GLOD5: variants seen among roughly 807,000 people sequenced by gnomAD.
The protein encoded by GLOD5 is glyoxalase domain-containing protein 5.
A neutral mutation model predicts 9.9 loss-of-function variants in GLOD5; 7 were observed. The observed-to-expected ratio is 0.71, with a 90% confidence interval of 0.40 to 1.33. The LOEUF is 1.33. GLOD5 is among the 40% of genes most tolerant of loss of function. The pLI, the probability that GLOD5 is intolerant of heterozygous loss-of-function variation, is 0.01. For missense variants in GLOD5, 146 were observed against 128.4 expected (o/e 1.14, Z -0.66); for synonymous variants, 49 against 47.3 (o/e 1.04, Z -0.14).
Position 48,770,969 on chromosome X carries a change from C to T in GLOD5, c.244C>T (p.Leu82Phe). Reference protein sequence around the residue: ...ALCFGDQKFNLHEVGKEFEPK... With the variant: ...ALCFGDQKFNFHEVGKEFEPK... ...GTGTTTTGGAGACCAGAAATTTAAC[C>T]TCCACGAGGTGGGAAAGGAATTTGA... Residue 82 changes from leucine (L) to phenylalanine (F), a missense_variant, in exon 3 of 4, where the codon CTC becomes TTC. By Grantham distance (22) the Leu-to-Phe change is conservative (BLOSUM62 0). Transcript: ENST00000303227. 1 of 1,200,366 alleles carries T rather than the reference C, an allele frequency of 8.3e-7. No homozygotes were observed. The highest frequency in any genetic ancestry group is 1.1e-6 in the Non-Finnish European group (1 of 889,057).
At chrX:48,769,029 CAA>C (rs58245912) in intron 2 of GLOD5, among the ~76,000 whole-genome samples, 8 of 48,388 alleles carry the variant, frequency 1.7e-4, no homozygotes, top group Admixed American at 2.6e-4. Context: ...GACTCTGTCT[CAA>C]AAAAAAAAAA....
At chrX:48,766,115 A>G in intron 2 of GLOD5, 143 bp downstream of exon 2, 1 of 524,768 alleles carries the variant, frequency 1.9e-6, no homozygotes. Flanking sequence ...TCCAAACTGA[A>G]TATTTGGACT....
At chrX:48,769,627 A>C (rs1219943089) in intron 2 of GLOD5, among the ~76,000 whole-genome samples, 3 of 111,893 alleles carry the variant, frequency 2.7e-5, no homozygotes, top group African/African-American at 9.7e-5. Context: ...GTATTGGAAG[A>C]GATAGTAATG....
intron 2 of GLOD5, 132 bp from the exon 3 acceptor site, chrX:48,770,795 C>T: frequency 2.2e-6 from 1 of 449,353 alleles, no homozygotes; most frequent in Non-Finnish European, 3.6e-6. Flanking sequence ...GGGCAAAGGG[C>T]TGTTGTGTAG....
intron 2 of GLOD5, among the ~76,000 whole-genome samples, chrX:48,767,499 C>T (rs782318451): frequency 5.1e-4 from 56 of 110,815 alleles, no homozygotes; most frequent in Non-Finnish European, 9.3e-4. Flanking sequence ...TGGTGGTGCA[C>T]GCCTGTAATC....
chrX:48,763,516 C>CA (rs782578068), intron 1 of GLOD5, among the ~76,000 whole-genome samples: 257 of 105,223 alleles, frequency 2.4e-3, no homozygotes, highest in African/African-American at 7.7e-3. Context: ...CTCACCTCTA[C>CA]AAAAAAAAAG....
intron 2 of GLOD5, among the ~76,000 whole-genome samples, chrX:48,770,615 G>A (rs1449183980): frequency 1.8e-5 from 2 of 111,549 alleles, no homozygotes; most frequent in Non-Finnish European, 3.8e-5. Flanking sequence ...GTACACGGTT[G>A]ACCCCACTGA....
intron 2 of GLOD5, among the ~76,000 whole-genome samples, chrX:48,769,811 C>CT (rs2062617758): frequency 9.5e-6 from 1 of 105,030 alleles, no homozygotes; most frequent in African/African-American, 3.5e-5. Context: ...GACCCGGTCT[C>CT]TACAAAAAAT....
intron 1 of GLOD5, 51 bp from the exon 2 acceptor site, chrX:48,765,784 G>C: frequency 8.5e-7 from 1 of 1,175,724 alleles, no homozygotes; most frequent in Non-Finnish European, 1.1e-6. Context: ...GAAAACACAG[G>C]CGTTGACAAG....
intron 2 of GLOD5, among the ~76,000 whole-genome samples, chrX:48,766,985 C>CAAAAAAAAAAAAAAAAAAAAAAA (rs782648787): frequency 0.011 from 34 of 3,018 alleles, 13 homozygotes; most frequent in African/African-American, 0.03. Context: ...GATTCCATCT[C>CAAAAAAAAAAAAAAAAAAAAAAA]AAAAAAAAAA....
intron 3 of GLOD5, among the ~76,000 whole-genome samples, chrX:48,771,965 G>A (rs1386568701): frequency 1.8e-5 from 2 of 111,495 alleles, no homozygotes; most frequent in African/African-American, 3.3e-5. Flanking sequence ...GGTTGGGCAC[G>A]GTCACTCACG....
chrX:48,773,501 C>G lies in GLOD5; in HGVS notation c.*66C>G. The G allele has an allele frequency of 1.8e-6, 2 of 1,108,675 alleles. No homozygotes were observed. Among genetic ancestry groups the G allele is most frequent in the South Asian group, 1.9e-5 (1 of 51,458 alleles). 91.4% of individuals were successfully genotyped at this position (1,108,675 alleles called of 1,213,427 possible). ...CCCTCTCCTTTCCTTCCTGCAAACC[C>G]CCACCCAGGCCCAGAGATCTCCAAA... On this transcript the variant is annotated 3_prime_UTR_variant, in exon 4 of 4. Coordinates refer to ENST00000303227, the MANE Select transcript of GLOD5 (RefSeq NM_001080489.3).
In GLOD5 at chrX:48,768,329, A is replaced by G. The variant is rs782517410; in HGVS notation, c.201+2357A>G. ...ATACACACACATAAAACAGTAACAC[A>G]CTTTTTACAGCAATTTATGAAAACC... On this transcript the variant is annotated intron_variant, in intron 2 of 3. Coordinates refer to ENST00000303227, the MANE Select transcript of GLOD5 (RefSeq NM_001080489.3). Among the ~76,000 whole-genome samples, 8 of 112,446 alleles carry G rather than the reference A, an allele frequency of 7.1e-5. No homozygotes were observed. The South Asian group carries it at 2.9e-3, about 41-fold the overall frequency.
chrX:48,764,519 A>T (rs1232349182), intron 1 of GLOD5, among the ~76,000 whole-genome samples: 1 of 108,824 alleles, frequency 9.2e-6, no homozygotes, highest in Non-Finnish European at 1.9e-5. Flanking sequence ...AATTAGATAA[A>T]TTATTTAAAC....
intron 1 of GLOD5, among the ~76,000 whole-genome samples, chrX:48,763,835 C>G (rs2062602531): frequency 8.9e-6 from 1 of 112,626 alleles, no homozygotes; most frequent in Non-Finnish European, 1.9e-5. Context: ...GAGAGCAAAA[C>G]TCAGCAACTT....
chrX:48,770,821 T>G, intron 2 of GLOD5, 106 bp from the exon 3 acceptor site: 1 of 633,601 alleles, frequency 1.6e-6, no homozygotes, highest in Non-Finnish European at 2.3e-6. Flanking sequence ...CCATTCTAGT[T>G]TTTATTTTTT....
chrX:48,766,958 C>A (rs1274405126), intron 2 of GLOD5, among the ~76,000 whole-genome samples: 5 of 25,683 alleles, frequency 1.9e-4, no homozygotes, highest in Non-Finnish European at 3.7e-4. Flanking sequence ...TGCACTCCAG[C>A]CTGGGTGACA....
chrX:48,764,675 G>A (rs1239770926), intron 1 of GLOD5, among the ~76,000 whole-genome samples: 1 of 106,653 alleles, frequency 9.4e-6, no homozygotes, highest in East Asian at 3.0e-4. Context: ...AGGCCCCCAA[G>A]TAACCAGAAC....
At chrX:48,763,888 T>A (rs782313710) in intron 1 of GLOD5, among the ~76,000 whole-genome samples, 1 of 111,400 alleles carries the variant, frequency 9.0e-6, no homozygotes, top group Non-Finnish European at 1.9e-5. Flanking sequence ...TGGTACAGGA[T>A]TTTTTTTAGC....
Sources: allele counts gnomAD v4.1 joint callset (sites outside exome capture counted in the v4.1 genomes callset), GRCh38; gene constraint gnomAD v4.1.1; transcripts MANE v1.5; gene names NCBI Gene and HGNC (gene_info 2026-07-23, HGNC 2026-07-21).